NTM: variants seen among roughly 807,000 people sequenced by gnomAD.
NTM encodes neurotrimin.
Under a neutral mutation model 42.1 loss-of-function variants are expected in NTM, and 13 were observed. The ratio of observed to expected loss-of-function variants is 0.31; its 90% CI spans 0.20 to 0.49. The LOEUF (loss-of-function observed/expected upper bound fraction) is 0.49. Ranked by LOEUF, NTM falls within the 20% of genes least tolerant of loss-of-function variation. NTM has a pLI of 0.99. For synonymous variants in NTM, 187 were observed against 179.2 expected, an observed-to-expected ratio of 1.04 and a Z score of -0.35; for missense variants, 373 against 452.8, an observed-to-expected ratio of 0.82 and a Z score of 1.60.
At chr11:131,810,760 C>A (rs1442381657) in intron 1 of NTM, among the ~76,000 whole-genome samples, 1 of 152,160 alleles carries the variant, frequency 6.6e-6, no homozygotes, top group Non-Finnish European at 1.5e-5. Context: ...GAAGGAAGGG[C>A]AAAAGGACTT....
chr11:131,438,043 C>G (rs549730954), intron 1 of NTM, among the ~76,000 whole-genome samples: 1 of 152,174 alleles, frequency 6.6e-6, no homozygotes, highest in Non-Finnish European at 1.5e-5. Context: ...ACTTATGAAG[C>G]TTAGTTTGGC....
chr11:131,451,952 G>A (rs1950519951), intron 1 of NTM, among the ~76,000 whole-genome samples: 2 of 152,162 alleles, frequency 1.3e-5, no homozygotes, highest in Admixed American at 6.5e-5. Flanking sequence ...GCCACCTCCA[G>A]TAGAACAGCC....
chr11:131,576,033 T>C (rs1161523897), intron 1 of NTM, among the ~76,000 whole-genome samples: 2 of 152,168 alleles, frequency 1.3e-5, no homozygotes, highest in Non-Finnish European at 2.9e-5. Flanking sequence ...TAGAAATATA[T>C]ATGTCGGCAG....
At chr11:132,248,695 T>C (rs1033599141) in intron 4 of NTM, among the ~76,000 whole-genome samples, 4 of 152,202 alleles carry the variant, frequency 2.6e-5, no homozygotes, top group Non-Finnish European at 4.4e-5. Context: ...CCACCACGCA[T>C]CAGGTCTAAA....
intron 2 of NTM, among the ~76,000 whole-genome samples, chr11:132,120,725 C>G (rs949646498): frequency 2.0e-5 from 3 of 152,062 alleles, no homozygotes; most frequent in African/African-American, 7.2e-5. Context: ...ACAGGAGTCC[C>G]CAGAGAGAGA....
At chr11:132,027,584 G>A (rs1286047864) in intron 2 of NTM, among the ~76,000 whole-genome samples, 1 of 152,126 alleles carries the variant, frequency 6.6e-6, no homozygotes, top group East Asian at 1.9e-4. Context: ...CTTCCTGTAT[G>A]CATGGTTTCT....
At position 132,317,895 on chromosome 11, in the gene NTM, G is replaced by T. The variant is rs147553754; in HGVS notation, c.934+3192G>T. ...ATCCCTTGCTCTCACTCCCCCAGGA[G>T]GGCTGGGAAGGGGAAAGAAAGAAAG... On this transcript the variant is annotated intron_variant, in intron 7 of 8. Coordinates refer to ENST00000683400, the MANE Select transcript of NTM (RefSeq NM_001352005.2). Among the ~76,000 whole-genome samples the T allele has an allele frequency of 4.4e-3, 667 of 152,276 alleles. 6 individuals are homozygous for T. The highest frequency in any genetic ancestry group is 0.015 in the African/African-American group (642 of 41,524).
chr11:132,290,957 G>A (rs764940040), intron 4 of NTM, among the ~76,000 whole-genome samples: 17 of 152,100 alleles, frequency 1.1e-4, no homozygotes, highest in African/African-American at 1.9e-4. Context: ...AGTTGTTTCC[G>A]TTAGATCTGA....
At chr11:132,078,474 T>C (rs1055274463) in intron 2 of NTM, among the ~76,000 whole-genome samples, 3 of 152,228 alleles carry the variant, frequency 2.0e-5, no homozygotes, top group Admixed American at 2.0e-4. Context: ...AATGAACTGC[T>C]TCTTCCAGCA....
intron 1 of NTM, among the ~76,000 whole-genome samples, chr11:131,678,384 T>A (rs1192691946): frequency 6.6e-6 from 1 of 152,262 alleles, no homozygotes; most frequent in Non-Finnish European, 1.5e-5. Flanking sequence ...ACCACTCAGC[T>A]TTCTGCTCTC....
In NTM at chr11:132,226,802, T is replaced by C. The variant is rs1183086580; in HGVS notation, c.526+14655T>C. Among the ~76,000 whole-genome samples the C allele has an allele frequency of 3.3e-5, 5 of 152,276 alleles. No individual in the cohort carries two copies. In the East Asian group the frequency reaches 9.7e-4, roughly 29 times the overall value. On this transcript the variant is annotated intron_variant, in intron 4 of 8. Coordinates refer to ENST00000683400, the MANE Select transcript of NTM (RefSeq NM_001352005.2). ...TCTGGAATATATTCTGAAACTAAGC[T>C]AGAAAGTTCATTGATTGATTAGATG... is the stretch of plus-strand genomic sequence containing the variant.
At chr11:131,395,939 TC>T (rs1337343983) in intron 1 of NTM, among the ~76,000 whole-genome samples, 2 of 152,194 alleles carry the variant, frequency 1.3e-5, no homozygotes, top group African/African-American at 4.8e-5. Context: ...CTCCCAAGGC[TC>T]AAGCAACAAC....
rs2095867173 is a variant in NTM at position 132,335,695 on chromosome 11, G to C, written c.*549G>C. Reference sequence around the variant, plus strand: ...ATAAGACCGTCTGACAGCAACAACGGTCCCACAAACAAGTCACAAAAGATA... The same window carrying C: ...ATAAGACCGTCTGACAGCAACAACGCTCCCACAAACAAGTCACAAAAGATA... On this transcript the variant is annotated 3_prime_UTR_variant, in exon 9 of 9. Transcript: ENST00000683400. 1 of 151,756 alleles carries C rather than the reference G, an allele frequency of 6.6e-6. No individual in the cohort carries two copies. Among genetic ancestry groups the C allele is most frequent in the Admixed American group, 6.6e-5 (1 of 15,212 alleles). The allele number at this position is 151,756 out of a possible 1,614,324, so 9.4% of individuals were successfully genotyped here.
chr11:131,770,989 G>A (rs1224221180), intron 1 of NTM: 4 of 152,050 alleles, frequency 2.6e-5, no homozygotes, highest in African/African-American at 7.2e-5. Flanking sequence ...GGATGATGTC[G>A]CCTTTCACAT....
At chr11:131,852,873 C>CCCAT (rs1205106802) in intron 1 of NTM, among the ~76,000 whole-genome samples, 1 of 150,038 alleles carries the variant, frequency 6.7e-6, no homozygotes, top group African/African-American at 2.5e-5. Flanking sequence ...CATCCATCCA[C>CCCAT]CCATCCGTCC....
At chr11:132,257,868 C>G (rs2092601380) in intron 4 of NTM, among the ~76,000 whole-genome samples, 1 of 152,172 alleles carries the variant, frequency 6.6e-6, no homozygotes, top group African/African-American at 2.4e-5. Context: ...AGACACAGCT[C>G]ATTTGTTTTC....
intron 1 of NTM, among the ~76,000 whole-genome samples, chr11:131,439,931 G>A (rs573952079): frequency 4.4e-4 from 57 of 129,644 alleles, no homozygotes; most frequent in African/African-American, 1.6e-3. Context: ...GTTCCTATTC[G>A]GCCATCTTAG....
intron 1 of NTM, among the ~76,000 whole-genome samples, chr11:131,616,778 G>T (rs10894425): frequency 0.068 from 9,586 of 141,650 alleles, 366 homozygotes; most frequent in South Asian, 0.094. Flanking sequence ...GTCTTGAGGG[G>T]GTGTGTGTGT....
At chr11:131,876,478 T>C (rs978891506) in intron 1 of NTM, among the ~76,000 whole-genome samples, 5 of 152,240 alleles carry the variant, frequency 3.3e-5, no homozygotes, top group African/African-American at 1.2e-4. Context: ...TCCTGATGTG[T>C]GATCATGAAA....
Sources: gnomAD v4.1 joint callset for allele counts (sites outside exome capture counted in the v4.1 genomes callset) on GRCh38, gnomAD v4.1.1 for gene constraint, MANE v1.5 for transcripts, NCBI Gene and HGNC (gene_info 2026-07-23, HGNC 2026-07-21) for gene names.